The following COL7A1 variants were observed in gnomAD, a reference collection of about 807,000 sequenced individuals.
COL7A1 encodes the protein collagen type VII alpha 1 chain, also known as collagen alpha-1(VII) chain.
COL7A1 carries 296 observed loss-of-function variants against 456.2 expected under a neutral mutation model. The observed-to-expected ratio is 0.65, with a 90% confidence interval of 0.59 to 0.71. The LOEUF is 0.71. Ranked by LOEUF, COL7A1 falls within the 30% of genes least tolerant of loss-of-function variation. The probability of loss-of-function intolerance (pLI) is 0.00; values close to 1 mark genes in which losing one functional copy is unlikely to be tolerated. For synonymous variants in COL7A1, 1,464 were observed against 1,525.9 expected (o/e 0.96, Z 0.95); for missense variants, 3,441 against 4,017.2 (o/e 0.86, Z 3.88).
rs781213436 is a variant in COL7A1 at position 48,586,235 on chromosome 3, C to T, written c.3562G>A (p.Val1188Met). Reference sequence around the variant, plus strand: ...TCCGCTCCAGCCATTCCCAACATCACCACATTAAGCCCTAAGGTGGGGTCC... The same window carrying T: ...TCCGCTCCAGCCATTCCCAACATCATCACATTAAGCCCTAAGGTGGGGTCC... The part of the protein sequence containing the change: ...REAQASGLNV[V>M]MLGMAGADPE... The change falls in exon 28 of 119, where the codon GTG becomes ATG. Residue 1188 changes from valine to methionine, a missense_variant. Val to Met is a conservative substitution (Grantham distance 21, BLOSUM62 1). This residue lies in a region of COL7A1 where 2,084 missense variants were observed against 2,501.3 expected (regional missense o/e 0.83). Coordinates refer to ENST00000681320, the MANE Select transcript of COL7A1 (RefSeq NM_000094.4). The surrounding 1 kb of genome is among the most constrained non-coding windows in gnomAD (Gnocchi z 5.1). 6.2e-7 allele frequency: 1 copy of T among 1,613,728 alleles called. No individual in the cohort carries two copies. Among genetic ancestry groups the T allele is most frequent in the East Asian group, 2.2e-5 (1 of 44,880 alleles).
rs1195448643 is a variant in COL7A1 at position 48,591,670 on chromosome 3, C to A, written c.1507+3G>T. 6.2e-7 allele frequency: 1 copy of A among 1,614,060 alleles called. No individual in the cohort carries two copies. Among genetic ancestry groups the A allele is most frequent in the South Asian group, 1.1e-5 (1 of 91,090 alleles). On this transcript the variant is annotated splice_donor_region_variant and intron_variant, in intron 12 of 118. Transcript: ENST00000681320. The surrounding 1 kb of genome is among the most constrained non-coding windows in gnomAD (Gnocchi z 7.0). ...TCACTGGCCCAGCCCACAGAGCCCT[C>A]ACCAGTGGGAACCACGGTTGCAGGG...
Position 48,588,176 on chromosome 3 carries a change from C to T in COL7A1, c.2710+106G>A. The T allele has an allele frequency of 6.4e-7, 1 of 1,555,524 alleles. No individual in the cohort carries two copies. The highest frequency in any genetic ancestry group is 8.8e-7 in the Non-Finnish European group (1 of 1,139,180). On this transcript the variant is annotated intron_variant, in intron 21 of 118. Transcript: ENST00000681320. The surrounding 1 kb of genome is among the most constrained non-coding windows in gnomAD (Gnocchi z 4.6). ...CCTACTGTCACGGATCCCGCAGACC[C>T]CCAGTGACAGACCCCGCCCACCATC...
In COL7A1 at chr3:48,566,281, A is replaced by T. The variant is rs121912828; in HGVS notation, c.8393T>A (p.Met2798Lys). The change falls in exon 114 of 119, where the codon ATG becomes AAG. Residue 2798 changes from methionine to lysine, a missense_variant. Physicochemically the swap from Met to Lys is moderately conservative, Grantham distance 95 (BLOSUM62 -1). Around this residue, in one of 3 missense-constraint regions of COL7A1, gnomAD observed 2,084 missense variants for 2,501.3 expected, o/e 0.83. Transcript: ENST00000681320. The surrounding 1 kb of genome is among the most constrained non-coding windows in gnomAD (Gnocchi z 5.9). Reference protein sequence around the residue: ...DDIRGFVRQEMSQHCACQGQF... With the variant: ...DDIRGFVRQEKSQHCACQGQF... ...GCACCACTCACCACAGTGCTGACTC[A>T]TCTCTTGGCGCACAAAGCCCCGGAT... 6.2e-7 allele frequency: 1 copy of T among 1,602,404 alleles called. No homozygotes were observed. The highest frequency in any genetic ancestry group is 1.3e-5 in the African/African-American group (1 of 74,794).
Position 48,573,914 on chromosome 3 carries a change from G to T in COL7A1, c.6502-24C>A, listed in dbSNP as rs775012215. ...CCCTACATAGAGAGGGCACTGATGA[G>T]CCTCAATCTGGGCCTCACTTGGGCC... On this transcript the variant is annotated intron_variant, in intron 80 of 118. Transcript: ENST00000681320. The surrounding 1 kb of genome is among the most constrained non-coding windows in gnomAD (Gnocchi z 5.5). The T allele has an allele frequency of 6.2e-7, 1 of 1,612,318 alleles. No individual in the cohort carries two copies. Among genetic ancestry groups the T allele is most frequent in the African/African-American group, 1.3e-5 (1 of 74,968 alleles).
Position 48,565,445 on chromosome 3 carries a change from A to G in COL7A1, c.8492T>C (p.Val2831Ala). The G allele has an allele frequency of 6.2e-7, 1 of 1,613,012 alleles. No homozygotes were observed. The highest frequency in any genetic ancestry group is 1.1e-5 in the South Asian group (1 of 90,810). ...TGCATGAGAGACGCGGAGCACAGGC[A>G]CAGCATGGAGCTGGGAGCCGGCAGT... ...ADTAGSQLHA[V>A]PVLRVSHAEE... The change falls in exon 116 of 119, where the codon GTG becomes GCG. Residue 2831 changes from valine to alanine, a missense_variant. Physicochemically the swap from Val to Ala is moderately conservative, Grantham distance 64 (BLOSUM62 0). This residue lies in a region of COL7A1 where 2,084 missense variants were observed against 2,501.3 expected (regional missense o/e 0.83). Transcript: ENST00000681320. The surrounding 1 kb of genome is among the most constrained non-coding windows in gnomAD (Gnocchi z 4.5).
In COL7A1 at chr3:48,580,447, C is replaced by A; in HGVS notation, c.5053-103G>T. 6.7e-7 allele frequency: 1 copy of A among 1,484,372 alleles called. No homozygotes were observed. The highest frequency in any genetic ancestry group is 9.3e-7 in the Non-Finnish European group (1 of 1,077,102). 92.0% of individuals were successfully genotyped at this position (1,484,372 alleles called of 1,614,324 possible). ...TGGGAATGTTGGTAGCCTTCAGATG[C>A]GTGTGTGCAGGGGTCAAAGGAAGTG... On this transcript the variant is annotated intron_variant, in intron 55 of 118. Coordinates refer to ENST00000681320, the MANE Select transcript of COL7A1 (RefSeq NM_000094.4). The surrounding 1 kb of genome is among the most constrained non-coding windows in gnomAD (Gnocchi z 4.5).
rs1174718059 is a variant in COL7A1 at position 48,578,913 on chromosome 3, A to C, written c.5424+6T>G. The C allele has an allele frequency of 6.2e-7, 1 of 1,613,510 alleles. No homozygotes were observed. Among genetic ancestry groups the C allele is most frequent in the Non-Finnish European group, 8.5e-7 (1 of 1,179,822 alleles). On this transcript the variant is annotated splice_donor_region_variant and intron_variant, in intron 63 of 118. Coordinates refer to ENST00000681320, the MANE Select transcript of COL7A1 (RefSeq NM_000094.4). This position sits in a 1 kb window ranked among gnomAD's most constrained non-coding sequence, Gnocchi z 4.7. ...CCCCTCTGTCCCAGCATCTCCCCTCACTTACGTCTCTCCCTGGGTCCCCAG... is the reference window on the plus strand; with the variant it reads ...CCCCTCTGTCCCAGCATCTCCCCTCCCTTACGTCTCTCCCTGGGTCCCCAG...
Position 48,586,247 on chromosome 3 carries a change from C to T in COL7A1, c.3551-1G>A. On this transcript the variant is annotated splice_acceptor_variant, in intron 27 of 118. Transcript: ENST00000681320. LOFTEE classifies it high-confidence loss of function. The surrounding 1 kb of genome is among the most constrained non-coding windows in gnomAD (Gnocchi z 5.1). The stretch of plus-strand genomic sequence containing the variant: ...ATTCCCAACATCACCACATTAAGCC[C>T]TAAGGTGGGGTCCAGTGGCTGCATG... 6.2e-7 allele frequency: 1 copy of T among 1,613,740 alleles called. No homozygotes were observed. Among genetic ancestry groups the T allele is most frequent in the Non-Finnish European group, 8.5e-7 (1 of 1,180,038 alleles).
In COL7A1 at chr3:48,591,338, G is replaced by T; in HGVS notation, c.1636+126C>A. On this transcript the variant is annotated intron_variant, in intron 13 of 118. Transcript: ENST00000681320. The surrounding 1 kb of genome is among the most constrained non-coding windows in gnomAD (Gnocchi z 7.0). Reference sequence around the variant, plus strand: ...CTCAGTGCCATCTTGGGAAGCAGATGGATAACGAGACAGGGAGGAGACTAT... The same window carrying T: ...CTCAGTGCCATCTTGGGAAGCAGATTGATAACGAGACAGGGAGGAGACTAT... 7.5e-7 allele frequency: 1 copy of T among 1,326,242 alleles called. No individual in the cohort carries two copies. Among genetic ancestry groups the T allele is most frequent in the Non-Finnish European group, 1.0e-6 (1 of 960,042 alleles). 82.2% of individuals were successfully genotyped at this position (1,326,242 alleles called of 1,614,324 possible).
chr3:48,585,681 G>T lies in COL7A1; in HGVS notation c.3831+9C>A. Reference sequence around the variant, plus strand: ...TCAGGGTGCAGGGACAGATGTGGGGGACACTCACCGGGAGGCCAGGGTCGC... The same window carrying T: ...TCAGGGTGCAGGGACAGATGTGGGGTACACTCACCGGGAGGCCAGGGTCGC... On this transcript the variant is annotated intron_variant, in intron 31 of 118. Coordinates refer to ENST00000681320, the MANE Select transcript of COL7A1 (RefSeq NM_000094.4). This position sits in a 1 kb window ranked among gnomAD's most constrained non-coding sequence, Gnocchi z 4.5. 1 of 1,614,026 alleles carries T rather than the reference G, an allele frequency of 6.2e-7. No homozygotes were observed. The highest frequency in any genetic ancestry group is 8.5e-7 in the Non-Finnish European group (1 of 1,179,990).
In COL7A1 at chr3:48,570,529, G is replaced by A; in HGVS notation, c.7345-29C>T. The A allele has an allele frequency of 6.2e-7, 1 of 1,613,898 alleles. No homozygotes were observed. ...TAGGTCAGAGTGAGGTGAGGGTCCT[G>A]TGGCTCTCAAAGCGCCTCCCCCAAC... On this transcript the variant is annotated intron_variant, in intron 96 of 118. Coordinates refer to ENST00000681320, the MANE Select transcript of COL7A1 (RefSeq NM_000094.4). The surrounding 1 kb of genome is among the most constrained non-coding windows in gnomAD (Gnocchi z 5.5).
At position 48,588,502 on chromosome 3, in the gene COL7A1, G is replaced by A. The variant is rs533466457; in HGVS notation, c.2588-98C>T. 3.1e-6 allele frequency: 5 copies of A among 1,596,876 alleles called. No individual in the cohort carries two copies. The East Asian group carries it at 1.1e-4, about 36-fold the overall frequency. Reference sequence around the variant, plus strand: ...CACACGCACCCCGCCCAGCCTCTCAGACCCCTCTCCCTCCTCTCAGACCCT... The same window carrying A: ...CACACGCACCCCGCCCAGCCTCTCAAACCCCTCTCCCTCCTCTCAGACCCT... On this transcript the variant is annotated intron_variant, in intron 20 of 118. Transcript: ENST00000681320. This position sits in a 1 kb window ranked among gnomAD's most constrained non-coding sequence, Gnocchi z 4.6.
chr3:48,570,692 C>A lies in COL7A1; in HGVS notation c.7291G>T (p.Gly2431Trp). Reference sequence around the variant, plus strand: ...AGGGGTCCTGGGATTCCTTCTCTCCCTGGGGGGCCTGCCAGACCCTACCAG... The same window carrying A: ...AGGGGTCCTGGGATTCCTTCTCTCCATGGGGGGCCTGCCAGACCCTACCAG... ...SGERGLAGPP[G>W]REGIPGPLGP... Residue 2431 changes from glycine (G) to tryptophan (W), a missense_variant, in exon 96 of 119, where the codon GGG becomes TGG. Physicochemically the swap from Gly to Trp is radical, Grantham distance 184. Around this residue, in one of 3 missense-constraint regions of COL7A1, gnomAD observed 2,084 missense variants for 2,501.3 expected, o/e 0.83. Transcript: ENST00000681320. The surrounding 1 kb of genome is among the most constrained non-coding windows in gnomAD (Gnocchi z 5.5). 1 of 1,581,668 alleles carries A rather than the reference C, an allele frequency of 6.3e-7. No homozygotes were observed.
chr3:48,581,047 C>A lies in COL7A1; in HGVS notation c.4935+75G>T. 6.2e-7 allele frequency: 1 copy of A among 1,604,376 alleles called. No individual in the cohort carries two copies. The highest frequency in any genetic ancestry group is 8.5e-7 in the Non-Finnish European group (1 of 1,171,862). Reference sequence around the variant, plus strand: ...AGGAGGCAGGGAGTGGATGGATGAACTGGTGGAGCACCAGCCTACTGGGAT... The same window carrying A: ...AGGAGGCAGGGAGTGGATGGATGAAATGGTGGAGCACCAGCCTACTGGGAT... On this transcript the variant is annotated intron_variant, in intron 53 of 118. Coordinates refer to ENST00000681320, the MANE Select transcript of COL7A1 (RefSeq NM_000094.4). The surrounding 1 kb of genome is among the most constrained non-coding windows in gnomAD (Gnocchi z 5.8).
Position 48,591,534 on chromosome 3 carries a change from C to T in COL7A1, c.1566G>A (p.Gln522=). The T allele has an allele frequency of 6.2e-7, 1 of 1,614,024 alleles. No homozygotes were observed. The highest frequency in any genetic ancestry group is 1.7e-5 in the Admixed American group (1 of 60,020). ...TDLQATELPG[Q]RVRVSWSPVP... Reference sequence around the variant, plus strand: ...CTGGGCTCCAGGACACTCGCACCCGCTGCCCGGGCAGCTCGGTGGCTTGCA... The same window carrying T: ...CTGGGCTCCAGGACACTCGCACCCGTTGCCCGGGCAGCTCGGTGGCTTGCA... The change falls in exon 13 of 119, where the codon CAG becomes CAA. Residue 522 remains glutamine, a synonymous_variant. Coordinates refer to ENST00000681320, the MANE Select transcript of COL7A1 (RefSeq NM_000094.4). The surrounding 1 kb of genome is among the most constrained non-coding windows in gnomAD (Gnocchi z 7.0).
rs2043924515 is a variant in COL7A1, at chr3:48,571,601, A to G, written c.7069-323T>C. On this transcript the variant is annotated intron_variant, in intron 92 of 118. Coordinates refer to ENST00000681320, the MANE Select transcript of COL7A1 (RefSeq NM_000094.4). This position sits in a 1 kb window ranked among gnomAD's most constrained non-coding sequence, Gnocchi z 4.6. ...CACGGGCGCTCAGAGGGGAACCCCA[A>G]CACGTCCACTCCCGGGTAGAGCAGG... The G allele has an allele frequency of 6.0e-6, 4 of 661,834 alleles. No homozygotes were observed. Among genetic ancestry groups the G allele is most frequent in the Non-Finnish European group, 1.1e-5 (4 of 349,296 alleles). 41.0% of individuals were successfully genotyped at this position (661,834 alleles called of 1,614,324 possible).
chr3:48,568,099 C>T lies in COL7A1; in HGVS notation c.7866G>A (p.Arg2622=). 6.2e-7 allele frequency: 1 copy of T among 1,614,212 alleles called. No individual in the cohort carries two copies. The highest frequency in any genetic ancestry group is 8.5e-7 in the Non-Finnish European group (1 of 1,180,042). ...CTTGTTTCTTTCCTACCTTGAGGCC[C>T]CGGGGACCCATGAAGCCAACATCTC... The part of the protein sequence containing the change: ...EKGDVGFMGP[R]GLKGERGVKG... Residue 2622 remains arginine, a synonymous_variant, in exon 106 of 119, where the codon CGG becomes CGA. Transcript: ENST00000681320. This position sits in a 1 kb window ranked among gnomAD's most constrained non-coding sequence, Gnocchi z 5.2.
intron 16 of COL7A1, 138 bp from the exon 17 acceptor site, chr3:48,589,856 G>A: frequency 7.9e-7 from 1 of 1,268,216 alleles, no homozygotes. Context: ...GTGGAGGAGT[G>A]GGGAGGTGGA....
chr3:48,578,357 T>A lies in COL7A1; in HGVS notation c.5496A>T (p.Pro1832=). 6.2e-7 allele frequency: 1 copy of A among 1,613,246 alleles called. No homozygotes were observed. The highest frequency in any genetic ancestry group is 8.5e-7 in the Non-Finnish European group (1 of 1,180,022). Reference sequence around the variant, plus strand: ...TCAGGCCAGGTTTGCCATCCTCGCCTGGCTTTCCCTGTGGGAACAGATCAC... The same window carrying A: ...TCAGGCCAGGTTTGCCATCCTCGCCAGGCTTTCCCTGTGGGAACAGATCAC... ...PSGPPGLPGK[P]GEDGKPGLNG... Residue 1832 remains proline (P), a synonymous_variant, in exon 65 of 119, where the codon CCA becomes CCT. Coordinates refer to ENST00000681320, the MANE Select transcript of COL7A1 (RefSeq NM_000094.4). This position sits in a 1 kb window ranked among gnomAD's most constrained non-coding sequence, Gnocchi z 4.7.
Sources: allele counts gnomAD v4.1 joint callset, GRCh38; gene constraint gnomAD v4.1.1; regional missense constraint gnomAD v4.1.1; non-coding constraint Gnocchi (gnomAD v3.1); transcripts MANE v1.5; gene names NCBI Gene and HGNC (gene_info 2026-07-23, HGNC 2026-07-21).